Variants in AGBL1 observed in about 807,000 individuals in gnomAD.
AGBL1 encodes the protein cytosolic carboxypeptidase 4.
A neutral mutation model predicts 118.9 loss-of-function variants in AGBL1; 130 were observed. The observed-to-expected ratio is 1.09, with a 90% CI of 0.95 to 1.26. The LOEUF (loss-of-function observed/expected upper bound fraction) is 1.26. AGBL1 is among the 50% of genes most tolerant of loss of function. AGBL1 has a pLI of 0.00. For missense variants in AGBL1, 1,584 were observed against 1,298.1 expected (o/e 1.22, Z -3.38); for synonymous variants, 555 against 478.9 (o/e 1.16, Z -2.08).
intron 21 of AGBL1, among the ~76,000 whole-genome samples, chr15:86,610,338 T>C (rs1044250091): frequency 6.6e-6 from 1 of 152,146 alleles, no homozygotes; most frequent in African/African-American, 2.4e-5. Flanking sequence ...GTCCACATAA[T>C]AGTAAACAAA....
At chr15:86,168,341 A>G (rs2077370358) in intron 5 of AGBL1, among the ~76,000 whole-genome samples, 1 of 152,208 alleles carries the variant, frequency 6.6e-6, no homozygotes, top group African/African-American at 2.4e-5. Context: ...TGTTAATTTT[A>G]TAAGAGCACC....
chr15:86,843,562 A>G (rs2079276062), intron 22 of AGBL1, among the ~76,000 whole-genome samples: 1 of 152,168 alleles, frequency 6.6e-6, no homozygotes, highest in Non-Finnish European at 1.5e-5. Context: ...GTTATCCAGA[A>G]GGAGGTACTG....
chr15:86,679,292 C>G (rs1413239035), intron 22 of AGBL1, among the ~76,000 whole-genome samples: 9 of 151,896 alleles, frequency 5.9e-5, no homozygotes, highest in Non-Finnish European at 2.9e-5. Context: ...TTATGTAGTT[C>G]CTGAATATAT....
intron 22 of AGBL1, among the ~76,000 whole-genome samples, chr15:86,863,497 C>T (rs1681852881): frequency 6.6e-6 from 1 of 151,628 alleles, no homozygotes; most frequent in Non-Finnish European, 1.5e-5. Flanking sequence ...CCTGAGAAAG[C>T]TCACCACCAG....
At chr15:86,650,940 G>A (rs1198845607) in intron 21 of AGBL1, among the ~76,000 whole-genome samples, 4 of 152,194 alleles carry the variant, frequency 2.6e-5, no homozygotes, top group African/African-American at 9.6e-5. Context: ...GCAGAGCAGT[G>A]ATTCTTAAAA....
Position 86,550,133 on chromosome 15 carries a change from A to G in AGBL1, c.2817+4000A>G, listed in dbSNP as rs190010114. Among the ~76,000 whole-genome samples, 550 of 152,258 alleles carry G rather than the reference A, an allele frequency of 3.6e-3. 2 individuals carry two copies. Among genetic ancestry groups the G allele is most frequent in the African/African-American group, 0.013 (538 of 41,540 alleles). On this transcript the variant is annotated intron_variant, in intron 20 of 22. Transcript: ENST00000614907. Reference sequence around the variant, plus strand: ...GATAGCATAAAGCATATCAACCAACATGTAATGGGAGGCCCAAAAAGAGAG... The same window carrying G: ...GATAGCATAAAGCATATCAACCAACGTGTAATGGGAGGCCCAAAAAGAGAG...
chr15:86,492,949 G>C (rs2082802760), intron 18 of AGBL1, among the ~76,000 whole-genome samples: 2 of 152,104 alleles, frequency 1.3e-5, no homozygotes, highest in African/African-American at 4.8e-5. Flanking sequence ...AGCACTTTGG[G>C]AGACTGAGGT....
intron 22 of AGBL1, among the ~76,000 whole-genome samples, chr15:86,737,747 C>T (rs2077622211): frequency 6.6e-6 from 1 of 152,062 alleles, no homozygotes; most frequent in Non-Finnish European, 1.5e-5. Context: ...AAAATGTGAC[C>T]CCTTTTAATT....
intron 17 of AGBL1, among the ~76,000 whole-genome samples, chr15:86,342,129 G>C (rs1272698969): frequency 6.6e-6 from 1 of 151,998 alleles, no homozygotes; most frequent in East Asian, 1.9e-4. Flanking sequence ...ATGTTTCTCC[G>C]CTTGTTATCT....
At chr15:86,724,235 C>A (rs376843215) in intron 22 of AGBL1, among the ~76,000 whole-genome samples, 309 of 73,708 alleles carry the variant, frequency 4.2e-3, no homozygotes, top group South Asian at 7.0e-3. Flanking sequence ...GACTCCATCT[C>A]AAAAAAAAAA....
intron 17 of AGBL1, among the ~76,000 whole-genome samples, chr15:86,393,861 T>C (rs188157036): frequency 1.4e-3 from 216 of 152,226 alleles, no homozygotes; most frequent in African/African-American, 4.9e-3. Flanking sequence ...ATGAGGGTAG[T>C]GCCCTCATAA....
chr15:86,994,314 T>C (rs988806032), intron 24 of AGBL1, among the ~76,000 whole-genome samples: 1 of 151,484 alleles, frequency 6.6e-6, no homozygotes, highest in African/African-American at 2.4e-5. Context: ...TCTCTCTCTA[T>C]ATATATATAT....
chr15:86,762,796 T>G (rs193107508), intron 22 of AGBL1, among the ~76,000 whole-genome samples: 1 of 152,140 alleles, frequency 6.6e-6, no homozygotes, highest in Admixed American at 6.6e-5. Flanking sequence ...AAAGAATGCA[T>G]TATTTTCTAC....
chr15:86,667,293 G>A (rs1158141816), intron 21 of AGBL1, among the ~76,000 whole-genome samples: 1 of 150,364 alleles, frequency 6.7e-6, no homozygotes, highest in Non-Finnish European at 1.5e-5. Flanking sequence ...CTGTTGGCTT[G>A]CTGCCCTGTT....
At chr15:86,220,537 G>A (rs2078264745) in intron 5 of AGBL1, among the ~76,000 whole-genome samples, 1 of 152,120 alleles carries the variant, frequency 6.6e-6, no homozygotes, top group Non-Finnish European at 1.5e-5. Flanking sequence ...GTTGTGTTTT[G>A]CTAAAATCTT....
chr15:86,618,738 A>T (rs2084764689), intron 21 of AGBL1, among the ~76,000 whole-genome samples: 1 of 152,216 alleles, frequency 6.6e-6, no homozygotes, highest in Non-Finnish European at 1.5e-5. Context: ...AGAAAATGGG[A>T]AAGTGGATCA....
chr15:86,947,928 G>A (rs2080842464), intron 23 of AGBL1, among the ~76,000 whole-genome samples: 1 of 152,144 alleles, frequency 6.6e-6, no homozygotes, highest in Non-Finnish European at 1.5e-5. Flanking sequence ...GACATTAGGA[G>A]AAACATTAAT....
chr15:86,689,695 T>TA (rs972674620), intron 22 of AGBL1, among the ~76,000 whole-genome samples: 2 of 152,080 alleles, frequency 1.3e-5, no homozygotes, highest in African/African-American at 2.4e-5. Context: ...TTTTATGTAT[T>TA]AAAAAAAATT....
chr15:86,127,037 A>C (rs761028201), intron 1 of AGBL1, among the ~76,000 whole-genome samples: 32 of 152,192 alleles, frequency 2.1e-4, no homozygotes, highest in Non-Finnish European at 3.7e-4. Context: ...AGGCTACACT[A>C]TACAGACAGG....
Sources: gnomAD v4.1 joint callset for allele counts (sites outside exome capture counted in the v4.1 genomes callset) on GRCh38, gnomAD v4.1.1 for gene constraint, MANE v1.5 for transcripts, NCBI Gene and HGNC (gene_info 2026-07-23, HGNC 2026-07-21) for gene names.